Variants in KIF26B observed in about 807,000 individuals in gnomAD.
The protein encoded by KIF26B is kinesin family member 26B.
KIF26B carries 63 observed loss-of-function variants against 151.2 expected under a neutral mutation model. The ratio of observed to expected loss-of-function variants is 0.42; its 90% CI spans 0.34 to 0.51. The LOEUF (loss-of-function observed/expected upper bound fraction) is 0.51. KIF26B is among the 20% of genes least tolerant of loss of function. The pLI, the probability that KIF26B is intolerant of heterozygous loss-of-function variation, is 0.07. For synonymous variants in KIF26B, 1,357 were observed against 1,262.1 expected, an observed-to-expected ratio of 1.08 and a Z score of -1.59; for missense variants, 2,813 against 2,913.6, an observed-to-expected ratio of 0.97 and a Z score of 0.79.
At chr1:245,230,218 C>T (rs1052779575) in intron 2 of KIF26B, among the ~76,000 whole-genome samples, 12 of 151,704 alleles carry the variant, frequency 7.9e-5, no homozygotes, top group South Asian at 2.1e-4. Flanking sequence ...CGAGGTGTAC[C>T]GCAGACTTGG....
intron 4 of KIF26B, among the ~76,000 whole-genome samples, chr1:245,440,698 T>C (rs1428904252): frequency 6.6e-6 from 1 of 152,202 alleles, no homozygotes; most frequent in Admixed American, 6.5e-5. Context: ...TTCTAGTCTG[T>C]TTCTGAAATA....
At chr1:245,155,554 C>G (rs1306378338) in intron 1 of KIF26B, 67 bp downstream of exon 1, 1 of 1,402,806 alleles carries the variant, frequency 7.1e-7, no homozygotes, top group African/African-American at 1.4e-5. Flanking sequence ...CCCCCTTTCC[C>G]CGGGATCGTG....
chr1:245,425,073 T>TTC (rs35028397), intron 4 of KIF26B, among the ~76,000 whole-genome samples: 18,922 of 152,066 alleles, frequency 0.12, 1,521 homozygotes, highest in African/African-American at 0.22. Flanking sequence ...GGGCCTTTTT[T>TTC]TTTTTTTTGC....
rs1660955383 is a variant in KIF26B, at chr1:245,516,044, C to T, written c.1167-24723C>T. On this transcript the variant is annotated intron_variant, in intron 4 of 14. Coordinates refer to ENST00000407071, the MANE Select transcript of KIF26B (RefSeq NM_018012.4). This position sits in a 1 kb window ranked among gnomAD's most constrained non-coding sequence, Gnocchi z 4.2. ...TGGGTTTCTGTTGTATCTCATGAGTCCTCTCCCTGGAGGAGTATTTGGATT... is the reference window on the plus strand; with the variant it reads ...TGGGTTTCTGTTGTATCTCATGAGTTCTCTCCCTGGAGGAGTATTTGGATT... Among the ~76,000 whole-genome samples the T allele has an allele frequency of 6.6e-6, 1 of 152,042 alleles. No individual in the cohort carries two copies. The highest frequency in any genetic ancestry group is 1.5e-5 in the Non-Finnish European group (1 of 68,016).
intron 5 of KIF26B, among the ~76,000 whole-genome samples, chr1:245,561,921 A>C (rs939975117): frequency 1.3e-5 from 2 of 152,126 alleles, no homozygotes; most frequent in East Asian, 3.9e-4. Context: ...CTCAGTCTCC[A>C]TCCCAAGGCT....
chr1:245,406,208 G>A (rs1475364840), intron 3 of KIF26B, among the ~76,000 whole-genome samples: 4 of 152,168 alleles, frequency 2.6e-5, no homozygotes, highest in Admixed American at 6.5e-5. Context: ...GGCAAAGAGA[G>A]GGGAGATGAG....
intron 2 of KIF26B, among the ~76,000 whole-genome samples, chr1:245,237,832 G>T (rs569801778): frequency 6.7e-6 from 1 of 149,418 alleles, no homozygotes; most frequent in South Asian, 2.1e-4. Context: ...AGCCAGCCTG[G>T]GCAACATAGT....
chr1:245,570,990 T>G (rs2043061863), intron 5 of KIF26B, among the ~76,000 whole-genome samples: 1 of 152,194 alleles, frequency 6.6e-6, no homozygotes. Context: ...TGAAAATATA[T>G]CAGCGAGAAT....
chr1:245,457,676 G>A (rs1659565877), intron 4 of KIF26B, among the ~76,000 whole-genome samples: 1 of 152,110 alleles, frequency 6.6e-6, no homozygotes, highest in Admixed American at 6.5e-5. Context: ...TGACATAAGT[G>A]TACAAATGGT....
intron 4 of KIF26B, among the ~76,000 whole-genome samples, chr1:245,441,206 G>C (rs1334549648): frequency 1.3e-5 from 2 of 152,154 alleles, no homozygotes; most frequent in African/African-American, 4.8e-5. Flanking sequence ...GAGCATGTAG[G>C]TGTTATACAC....
intron 3 of KIF26B, among the ~76,000 whole-genome samples, chr1:245,412,803 T>C (rs1210952881): frequency 6.6e-6 from 1 of 152,226 alleles, no homozygotes; most frequent in Non-Finnish European, 1.5e-5. Context: ...TTTATTTCGA[T>C]GTGGCCTGTG....
intron 5 of KIF26B, among the ~76,000 whole-genome samples, chr1:245,592,821 C>T (rs1051201227): frequency 6.6e-6 from 1 of 152,180 alleles, no homozygotes; most frequent in African/African-American, 2.4e-5. Context: ...CATAACTGAA[C>T]TGTGCTCAGA....
chr1:245,221,592 A>G (rs1558350811), intron 2 of KIF26B, among the ~76,000 whole-genome samples: 1 of 152,146 alleles, frequency 6.6e-6, no homozygotes, highest in African/African-American at 2.4e-5. Flanking sequence ...TTTTTAGTGG[A>G]AATGGTGTTT....
At chr1:245,370,239 T>TC (rs1162508453) in intron 3 of KIF26B, among the ~76,000 whole-genome samples, 3 of 152,128 alleles carry the variant, frequency 2.0e-5, no homozygotes, top group African/African-American at 7.2e-5. Context: ...TGGGTACATT[T>TC]CCCCATGCCA....
intron 3 of KIF26B, among the ~76,000 whole-genome samples, chr1:245,409,097 C>T (rs974302862): frequency 1.3e-5 from 2 of 152,176 alleles, no homozygotes; most frequent in African/African-American, 4.8e-5. Context: ...CTGAAAACAC[C>T]CCCCAAAACA....
chr1:245,437,796 C>A (rs1288269615), intron 4 of KIF26B, among the ~76,000 whole-genome samples: 1 of 152,184 alleles, frequency 6.6e-6, no homozygotes, highest in East Asian at 1.9e-4. Flanking sequence ...TTGCCCCCTT[C>A]ACAAAAGAGC....
chr1:245,661,331 T>A (rs1257091456), intron 10 of KIF26B, among the ~76,000 whole-genome samples: 1 of 101,750 alleles, frequency 9.8e-6, no homozygotes, highest in Non-Finnish European at 2.1e-5. Context: ...AGAAATGTAT[T>A]TACTAATCGC....
At chr1:245,658,090 C>T (rs1010002590) in intron 10 of KIF26B, among the ~76,000 whole-genome samples, 4 of 152,202 alleles carry the variant, frequency 2.6e-5, no homozygotes, top group African/African-American at 9.7e-5. Flanking sequence ...CCAAAACATA[C>T]TGTTTAGTTT....
At chr1:245,566,234 G>T (rs1285431951) in intron 5 of KIF26B, among the ~76,000 whole-genome samples, 2 of 152,252 alleles carry the variant, frequency 1.3e-5, no homozygotes, top group African/African-American at 4.8e-5. Context: ...ATGTCAGTGA[G>T]CCTTTTTCTC....
Sources: allele counts gnomAD v4.1 joint callset (sites outside exome capture counted in the v4.1 genomes callset), GRCh38; gene constraint gnomAD v4.1.1; non-coding constraint Gnocchi (gnomAD v3.1); transcripts MANE v1.5; gene names NCBI Gene and HGNC (gene_info 2026-07-23, HGNC 2026-07-21).